Variants in DPP10 observed in about 807,000 individuals in gnomAD.
DPP10 encodes the protein dipeptidyl peptidase like 10.
Under a neutral mutation model 120.9 loss-of-function variants are expected in DPP10, and 33 were observed. That is an observed-to-expected ratio of 0.27 (90% CI 0.21 to 0.37). The LOEUF is 0.37. Ranked by LOEUF, DPP10 falls within the 10% of genes least tolerant of loss-of-function variation. DPP10 has a pLI of 1.00. For missense variants in DPP10, 816 were observed against 942.8 expected (o/e 0.87, Z 1.76); for synonymous variants, 337 against 326.1 (o/e 1.03, Z -0.36).
At chr2:114,933,197 A>G (rs1433112980) in intron 1 of DPP10, among the ~76,000 whole-genome samples, 1 of 152,202 alleles carries the variant, frequency 6.6e-6, no homozygotes, top group African/African-American at 2.4e-5. Context: ...GAAAGACATT[A>G]AAAGAGATTA....
intron 1 of DPP10, among the ~76,000 whole-genome samples, chr2:114,697,828 CTT>C (rs1700160241): frequency 6.6e-6 from 1 of 151,514 alleles, no homozygotes; most frequent in Non-Finnish European, 1.5e-5. Context: ...GAATCTATCT[CTT>C]TGCTCTCTAT....
intron 4 of DPP10, among the ~76,000 whole-genome samples, chr2:115,509,309 A>G (rs1427027524): frequency 6.6e-5 from 10 of 152,176 alleles, no homozygotes; most frequent in Admixed American, 6.6e-4. Flanking sequence ...AAATAAAAAG[A>G]AAGTAACAAA....
intron 1 of DPP10, among the ~76,000 whole-genome samples, chr2:115,222,132 A>G (rs891919365): frequency 6.6e-6 from 1 of 152,120 alleles, no homozygotes. Context: ...GCGTGGTACC[A>G]CTTACGGGGG....
In DPP10 at chr2:115,690,037, C is replaced by T; in HGVS notation, c.576+116C>T. On this transcript the variant is annotated intron_variant, in intron 7 of 25. Coordinates refer to ENST00000410059, the MANE Select transcript of DPP10 (RefSeq NM_020868.6). ...TTGTCCTACAAAACTTTATGTTTCC[C>T]TAAGTCCTTTATATCTTTTATCTAA... 3 of 920,494 alleles carry T rather than the reference C, an allele frequency of 3.3e-6. No homozygotes were observed. In the East Asian group the frequency reaches 7.6e-5, roughly 23 times the overall value. 57.0% of individuals were successfully genotyped at this position (920,494 alleles called of 1,614,324 possible).
At chr2:114,862,316 T>C (rs899461754) in intron 1 of DPP10, among the ~76,000 whole-genome samples, 2 of 152,146 alleles carry the variant, frequency 1.3e-5, no homozygotes, top group Non-Finnish European at 2.9e-5. Flanking sequence ...CCTACTCATA[T>C]AAGATAAAAG....
chr2:115,466,885 T>C (rs1205458255), intron 3 of DPP10, among the ~76,000 whole-genome samples: 1 of 152,146 alleles, frequency 6.6e-6, no homozygotes, highest in Non-Finnish European at 1.5e-5. Flanking sequence ...AGATGGCCTA[T>C]ATATGTAAAC....
At chr2:115,266,307 C>G (rs1275195846) in intron 1 of DPP10, among the ~76,000 whole-genome samples, 1 of 152,048 alleles carries the variant, frequency 6.6e-6, no homozygotes, top group Non-Finnish European at 1.5e-5. Flanking sequence ...GATATGGAAG[C>G]TAGAATGATG....
chr2:115,189,804 C>T (rs1016500506), intron 1 of DPP10, among the ~76,000 whole-genome samples: 3 of 152,254 alleles, frequency 2.0e-5, no homozygotes, highest in East Asian at 1.9e-4. Flanking sequence ...CCGAGAAGAA[C>T]GAGTACACCT....
chr2:114,718,394 CTGTT>C (rs1701490958), intron 1 of DPP10, among the ~76,000 whole-genome samples: 1 of 97,182 alleles, frequency 1.0e-5, no homozygotes, highest in South Asian at 4.3e-4. Flanking sequence ...GTGAGAGACT[CTGTT>C]TGAAAAAAAA....
chr2:115,234,303 A>G (rs1331127242), intron 1 of DPP10, among the ~76,000 whole-genome samples: 2 of 152,098 alleles, frequency 1.3e-5, no homozygotes, highest in East Asian at 3.9e-4. Context: ...TTCTTCTTCT[A>G]TCCAGTACTA....
chr2:115,034,592 A>G (rs1573382526), intron 1 of DPP10, among the ~76,000 whole-genome samples: 1 of 152,230 alleles, frequency 6.6e-6, no homozygotes, highest in Non-Finnish European at 1.5e-5. Flanking sequence ...ATCTAAGCAT[A>G]AAACTCAAGA....
chr2:114,497,184 T>G (rs1268807486), intron 1 of DPP10, among the ~76,000 whole-genome samples: 9 of 149,652 alleles, frequency 6.0e-5, no homozygotes, highest in Non-Finnish European at 1.2e-4. Flanking sequence ...CATGTGTACG[T>G]GTATACATGT....
At chr2:114,911,399 A>G (rs938817883) in intron 1 of DPP10, among the ~76,000 whole-genome samples, 10 of 152,200 alleles carry the variant, frequency 6.6e-5, no homozygotes, top group African/African-American at 2.4e-4. Flanking sequence ...ATGGTGCTTA[A>G]CACTAAGCAT....
At chr2:115,422,644 T>C (rs989029603) in intron 3 of DPP10, among the ~76,000 whole-genome samples, 3 of 152,184 alleles carry the variant, frequency 2.0e-5, no homozygotes, top group Non-Finnish European at 4.4e-5. Flanking sequence ...TCCAATTTAC[T>C]TTATTAAAAT....
At chr2:114,444,858 ATAT>A (rs1463763630) in intron 1 of DPP10, among the ~76,000 whole-genome samples, 1 of 152,204 alleles carries the variant, frequency 6.6e-6, no homozygotes, top group Non-Finnish European at 1.5e-5. Context: ...CATAAAATAT[ATAT>A]AGTCGCAAGC....
chr2:115,657,169 A>T (rs1220751677), intron 5 of DPP10, among the ~76,000 whole-genome samples: 1 of 151,718 alleles, frequency 6.6e-6, no homozygotes, highest in Non-Finnish European at 1.5e-5. Flanking sequence ...TTATTTGCTT[A>T]TTCAAATTTA....
intron 1 of DPP10, among the ~76,000 whole-genome samples, chr2:115,084,226 T>C (rs747510250): frequency 5.3e-5 from 8 of 152,210 alleles, no homozygotes; most frequent in Non-Finnish European, 1.0e-4. Context: ...ATCCCCATCA[T>C]TTAGCACAGT....
At chr2:115,077,955 C>A (rs533907184) in intron 1 of DPP10, among the ~76,000 whole-genome samples, 7 of 152,312 alleles carry the variant, frequency 4.6e-5, no homozygotes, top group Admixed American at 1.3e-4. Context: ...CAAAATATTA[C>A]TCTACAACTA....
chr2:114,654,430 A>G (rs1220522920), intron 1 of DPP10, among the ~76,000 whole-genome samples: 1 of 152,212 alleles, frequency 6.6e-6, no homozygotes, highest in East Asian at 1.9e-4. Context: ...GTGAAATTTT[A>G]TAGGGTGGGG....
Sources: gnomAD v4.1 joint callset for allele counts (sites outside exome capture counted in the v4.1 genomes callset) on GRCh38, gnomAD v4.1.1 for gene constraint, MANE v1.5 for transcripts, NCBI Gene and HGNC (gene_info 2026-07-23, HGNC 2026-07-21) for gene names.